Variants in GPI observed in about 807,000 individuals in gnomAD.
GPI encodes glucose-6-phosphate isomerase.
In GPI, 56 loss-of-function variants were observed where a neutral mutation model predicts 75.8. The observed-to-expected ratio is 0.74, with a 90% CI of 0.60 to 0.92. GPI has a LOEUF of 0.92. GPI is among the 40% of genes least tolerant of loss of function. The pLI, the probability that GPI is intolerant of heterozygous loss-of-function variation, is 0.00. For synonymous variants in GPI, 288 were observed against 285.4 expected, an observed-to-expected ratio of 1.01 and a Z score of -0.09; for missense variants, 638 against 741.0, an observed-to-expected ratio of 0.86 and a Z score of 1.61.
At chr19:34,398,864 G>A in intron 14 of GPI, 1 of 217,076 alleles carries the variant, frequency 4.6e-6, no homozygotes, top group South Asian at 6.7e-5. Context: ...ACCATGCCCA[G>A]CTAAATTTTT....
At chr19:34,362,972 A>G (rs73926758), upstream of GPI, among the ~76,000 whole-genome samples, 178 of 152,290 alleles carry the variant, frequency 1.2e-3, 2 homozygotes, top group African/African-American at 3.9e-3. Flanking sequence ...CTGGTCACCA[A>G]AATAACCTAC....
chr19:34,372,096 A>G (rs2074462297), intron 4 of GPI, among the ~76,000 whole-genome samples: 1 of 151,574 alleles, frequency 6.6e-6, no homozygotes, highest in African/African-American at 2.4e-5. Flanking sequence ...ACACCCAGCT[A>G]ATTTTTGTAT....
intron 14 of GPI, chr19:34,397,426 T>G (rs2074961764): frequency 6.6e-6 from 1 of 152,474 alleles, no homozygotes; most frequent in South Asian, 2.1e-4. Flanking sequence ...GCTTTGATTC[T>G]GTCTTGCCAC....
chr19:34,397,591 C>T (rs1305808449), intron 14 of GPI: 1 of 152,038 alleles, frequency 6.6e-6, no homozygotes, highest in Non-Finnish European at 1.5e-5. Context: ...AGCAGTCTTC[C>T]TGCCTCGGCC....
Position 34,393,364 on chromosome 19 carries a change from G to A in GPI, c.865+56G>A. ...GTGGGAGACAGTGTTGCAGTCTAAG[G>A]TCGGGGTAGGGGGCTTGTGTCCCTG... On this transcript the variant is annotated intron_variant, in intron 10 of 17. Coordinates refer to ENST00000356487, the MANE Select transcript of GPI (RefSeq NM_000175.5). The surrounding 1 kb of genome is among the most constrained non-coding windows in gnomAD (Gnocchi z 4.4). The A allele has an allele frequency of 7.3e-7, 1 of 1,366,226 alleles. No individual in the cohort carries two copies. The highest frequency in any genetic ancestry group is 1.0e-6 in the Non-Finnish European group (1 of 953,316). 84.6% of individuals were successfully genotyped at this position (1,366,226 alleles called of 1,614,324 possible). A position where few individuals can be genotyped will look rare whatever the true frequency, so the allele number is the denominator to read the frequency against.
Position 34,399,518 on chromosome 19 carries a change from A to G in GPI, c.1399-38A>G, listed in dbSNP as rs764936534. The G allele has an allele frequency of 4.4e-5, 70 of 1,603,516 alleles. No homozygotes were observed. In the East Asian group the frequency reaches 1.5e-3, roughly 35 times the overall value. ...CTTCCCTTCAAGGGGTTTAGGGATC[A>G]GGACTCTCTTGGAGACATTCCTTGG... On this transcript the variant is annotated intron_variant, in intron 15 of 17. Transcript: ENST00000356487.
rs1449307849 is a variant in GPI at position 34,396,270 on chromosome 19, G to A, written c.1063-31G>A. The A allele has an allele frequency of 1.9e-6, 3 of 1,612,988 alleles. No homozygotes were observed. The African/African-American group carries it at 4.0e-5, about 22-fold the overall frequency. ...TTCTTTTTAAATGTTCTTTCATTTT[G>A]CCAAGAACTGGGTTTCTGTTCCTTT... On this transcript the variant is annotated intron_variant, in intron 12 of 17. Transcript: ENST00000356487.
intron 3 of GPI, chr19:34,367,080 G>T: frequency 1.5e-6 from 1 of 685,044 alleles, no homozygotes; most frequent in Non-Finnish European, 2.7e-6. Context: ...TGCCTGGGAG[G>T]AGCATATCTC....
chr19:34,378,885 G>A (rs779348248), intron 6 of GPI, 49 bp from the exon 7 acceptor site: 1 of 1,438,198 alleles, frequency 7.0e-7, no homozygotes, highest in South Asian at 1.1e-5. Flanking sequence ...CTCAAGGCCT[G>A]CACCCACCCC....
chr19:34,372,151 G>A (rs574415873), intron 4 of GPI, among the ~76,000 whole-genome samples: 72 of 151,988 alleles, frequency 4.7e-4, no homozygotes, highest in African/African-American at 1.6e-3. Flanking sequence ...GGCTGGTCTC[G>A]AACTCCTGAC....
intron 1 of GPI, 157 bp downstream of exon 1, chr19:34,365,545 TG>T: frequency 8.2e-7 from 1 of 1,220,394 alleles, no homozygotes; most frequent in Non-Finnish European, 1.2e-6. Context: ...ACTTCGTCCT[TG>T]GAGTCTCCTT....
upstream of GPI, among the ~76,000 whole-genome samples, chr19:34,360,821 A>G (rs927035660): frequency 3.9e-5 from 6 of 152,202 alleles, no homozygotes; most frequent in African/African-American, 1.4e-4. Context: ...TCTGTGACCC[A>G]GGCCGGAGTG....
intron 12 of GPI, 28 bp from the exon 13 acceptor site, chr19:34,396,273 A>G: frequency 6.2e-7 from 1 of 1,613,704 alleles, no homozygotes; most frequent in Non-Finnish European, 8.5e-7. Flanking sequence ...TCATTTTGCC[A>G]AGAACTGGGT....
chr19:34,366,188 CAG>C, intron 1 of GPI, 155 bp from the exon 2 acceptor site: 1 of 707,862 alleles, frequency 1.4e-6, no homozygotes, highest in East Asian at 2.7e-5. Context: ...CCTGGTGGGC[CAG>C]CAGGTGACAG....
At chr19:34,392,009 G>A (rs138712740) in intron 9 of GPI, among the ~76,000 whole-genome samples, 2 of 948 alleles carry the variant, frequency 2.1e-3, no homozygotes, top group African/African-American at 7.2e-3. Flanking sequence ...TCTGGTGCAG[G>A]TATAAGGATC....
At chr19:34,381,128 A>G (rs776288476) in intron 8 of GPI, 11 of 417,546 alleles carry the variant, frequency 2.6e-5, no homozygotes, top group Non-Finnish European at 4.1e-5. Context: ...CAGGGGTATC[A>G]TGCTCTGGTG....
In GPI at chr19:34,401,663, G is replaced by T. The variant is rs2075024429; in HGVS notation, c.*1627G>T. 6.6e-6 allele frequency: 1 copy of T among 151,696 alleles called. No individual in the cohort carries two copies. The highest frequency in any genetic ancestry group is 2.1e-4 in the South Asian group (1 of 4,814). The allele number at this position is 151,696 out of a possible 1,614,324, so 9.4% of individuals were successfully genotyped here. ...CTATTCAAAATTTTTTTTTCTTAGA[G>T]ACAGGGTCTTTGTTGCCCAGGCTGG... On this transcript the variant is annotated 3_prime_UTR_variant, in exon 18 of 18. Transcript: ENST00000356487.
In GPI at chr19:34,368,841, T is replaced by C. The variant is rs570956800; in HGVS notation, c.402+139T>C. The stretch of plus-strand genomic sequence containing the variant: ...ACTGCAGCTTAAGGGAGGGGTTGCC[T>C]GTGTGATCGCTGACCCTGGAGTCTC... On this transcript the variant is annotated intron_variant, in intron 4 of 17. Coordinates refer to ENST00000356487, the MANE Select transcript of GPI (RefSeq NM_000175.5). 2.2e-4 allele frequency: 207 copies of C among 944,726 alleles called. No homozygotes were observed. In the East Asian group the frequency reaches 5.4e-3, roughly 24 times the overall value. The allele number at this position is 944,726 out of a possible 1,614,324, so 58.5% of individuals were successfully genotyped here.
intron 4 of GPI, among the ~76,000 whole-genome samples, chr19:34,372,315 A>G (rs974976032): frequency 6.6e-6 from 1 of 152,116 alleles, no homozygotes; most frequent in African/African-American, 2.4e-5. Flanking sequence ...TTCTTTCTGT[A>G]TTGATGGAAA....
Sources: gnomAD v4.1 joint callset for allele counts (sites outside exome capture counted in the v4.1 genomes callset) on GRCh38, gnomAD v4.1.1 for gene constraint, Gnocchi (gnomAD v3.1) non-coding constraint, MANE v1.5 for transcripts, NCBI Gene and HGNC (gene_info 2026-07-23, HGNC 2026-07-21) for gene names.